Variants in SLC24A4 observed in about 807,000 individuals in gnomAD.
SLC24A4 encodes the protein solute carrier family 24 member 4, also known as sodium/potassium/calcium exchanger 4.
Under a neutral mutation model 79.0 loss-of-function variants are expected in SLC24A4, and 53 were observed. The observed-to-expected ratio is 0.67, with a 90% CI of 0.54 to 0.84. The LOEUF is 0.84. Ranked by LOEUF, SLC24A4 falls within the 40% of genes least tolerant of loss-of-function variation. The pLI, the probability that SLC24A4 is intolerant of heterozygous loss-of-function variation, is 0.00. For missense variants in SLC24A4, 731 were observed against 822.0 expected, an observed-to-expected ratio of 0.89 and a Z score of 1.35; for synonymous variants, 323 against 323.8, an observed-to-expected ratio of 1.00 and a Z score of 0.03.
chr14:92,386,983 T>G (rs1474366621), intron 2 of SLC24A4, among the ~76,000 whole-genome samples: 2 of 151,968 alleles, frequency 1.3e-5, no homozygotes, highest in Non-Finnish European at 2.9e-5. Context: ...CCCAGCAGGG[T>G]GCCCTGCTCT....
intron 2 of SLC24A4, among the ~76,000 whole-genome samples, chr14:92,409,634 A>G (rs186105145): frequency 1.3e-5 from 2 of 152,034 alleles, no homozygotes; most frequent in Non-Finnish European, 2.9e-5. Flanking sequence ...CTTCCCTAAC[A>G]TGCTCCCCAG....
intron 4 of SLC24A4, among the ~76,000 whole-genome samples, chr14:92,440,194 G>A (rs12435239): frequency 0.015 from 2,280 of 152,288 alleles, 61 homozygotes; most frequent in African/African-American, 0.052. Flanking sequence ...GGGACTGGCT[G>A]CTTTGGACCT....
intron 12 of SLC24A4, among the ~76,000 whole-genome samples, chr14:92,472,101 C>T (rs148493714): frequency 1.6e-3 from 241 of 152,304 alleles, no homozygotes; most frequent in Middle Eastern, 6.8e-3. Flanking sequence ...GCAAAGCAAT[C>T]AATCCAAAGC....
At chr14:92,465,070 A>G (rs1157944722) in intron 12 of SLC24A4, among the ~76,000 whole-genome samples, 4 of 152,244 alleles carry the variant, frequency 2.6e-5, no homozygotes, top group Non-Finnish European at 5.9e-5. Context: ...CATTTCCCAG[A>G]TGAGAACAAC....
At chr14:92,344,042 C>T (rs1886385565) in intron 2 of SLC24A4, among the ~76,000 whole-genome samples, 1 of 152,148 alleles carries the variant, frequency 6.6e-6, no homozygotes, top group Admixed American at 6.5e-5. Context: ...TTATTGTTTG[C>T]ATTTACTTAC....
chr14:92,442,927 C>CTG, intron 6 of SLC24A4, 111 bp downstream of exon 6: 1 of 839,060 alleles, frequency 1.2e-6, no homozygotes, highest in Non-Finnish European at 1.9e-6. Context: ...GACAGCTGAG[C>CTG]TGGATTCTGG....
chr14:92,328,748 C>T (rs1402391851), intron 2 of SLC24A4, among the ~76,000 whole-genome samples: 5 of 152,234 alleles, frequency 3.3e-5, no homozygotes, highest in South Asian at 4.1e-4. Context: ...TGGCTTGGGC[C>T]GCATGACCAC....
intron 2 of SLC24A4, among the ~76,000 whole-genome samples, chr14:92,333,034 G>A (rs1425795368): frequency 2.0e-5 from 3 of 152,178 alleles, no homozygotes; most frequent in African/African-American, 4.8e-5. Flanking sequence ...ACGTTTGCCT[G>A]CATAACTGGG....
chr14:92,457,781 A>G (rs1893568782), intron 12 of SLC24A4, among the ~76,000 whole-genome samples: 1 of 152,224 alleles, frequency 6.6e-6, no homozygotes, highest in South Asian at 2.1e-4. Context: ...AAGATTCCAG[A>G]ACTTTCAAGT....
At chr14:92,325,281 C>T (rs541979565) in intron 1 of SLC24A4, among the ~76,000 whole-genome samples, 3 of 152,208 alleles carry the variant, frequency 2.0e-5, no homozygotes, top group Non-Finnish European at 2.9e-5. Context: ...TGCTTGGTTG[C>T]GGGCCTCCGC....
chr14:92,437,826 G>A (rs1414533170), intron 3 of SLC24A4, among the ~76,000 whole-genome samples: 2 of 152,202 alleles, frequency 1.3e-5, no homozygotes, highest in African/African-American at 4.8e-5. Flanking sequence ...GGTTCTGAGT[G>A]CTTTCCTTCT....
intron 2 of SLC24A4, among the ~76,000 whole-genome samples, chr14:92,420,503 A>C (rs1452999255): frequency 5.9e-5 from 9 of 152,158 alleles, no homozygotes; most frequent in Admixed American, 6.5e-5. Context: ...TGTTGTTTTA[A>C]GTATATACTA....
chr14:92,353,566 T>TCAGAC lies in SLC24A4; in HGVS notation c.241+27590_241+27594dup, dbSNP rs1660726106. Among the ~76,000 whole-genome samples, 1 of 152,226 alleles carries TCAGAC rather than the reference T, an allele frequency of 6.6e-6. No homozygotes were observed. Among genetic ancestry groups the TCAGAC allele is most frequent in the Non-Finnish European group, 1.5e-5 (1 of 68,032 alleles). On this transcript the variant is annotated intron_variant, in intron 2 of 16. Transcript: ENST00000532405. The surrounding 1 kb of genome is among the most constrained non-coding windows in gnomAD (Gnocchi z 4.1). Reference sequence around the variant, plus strand: ...CGGTTCTCCCCACCCCATGGTGTTATCAGACCTGTTGAGTTTGCCAATCTG... The same window carrying TCAGAC: ...CGGTTCTCCCCACCCCATGGTGTTATCAGACCAGACCTGTTGAGTTTGCCAATCTG...
chr14:92,450,418 G>A (rs1343227930), intron 10 of SLC24A4: 1 of 152,442 alleles, frequency 6.6e-6, no homozygotes, highest in Non-Finnish European at 1.5e-5. Flanking sequence ...ACCTGCCAGG[G>A]TGGCGGGGTG....
At chr14:92,458,480 T>C (rs1893614915) in intron 12 of SLC24A4, among the ~76,000 whole-genome samples, 2 of 152,242 alleles carry the variant, frequency 1.3e-5, no homozygotes, top group African/African-American at 2.4e-5. Context: ...GGTCACGCCA[T>C]GCTTGGGTCA....
At chr14:92,480,582 C>T (rs1040932031) in intron 12 of SLC24A4, among the ~76,000 whole-genome samples, 39 of 151,920 alleles carry the variant, frequency 2.6e-4, no homozygotes, top group African/African-American at 5.3e-4. Context: ...CGTGAGCCAC[C>T]ACGCCCGGCC....
At chr14:92,486,802 T>G in intron 14 of SLC24A4, 22 bp downstream of exon 14, 1 of 1,575,412 alleles carries the variant, frequency 6.3e-7, no homozygotes, top group Non-Finnish European at 8.7e-7. Context: ...GCCCCAGCCC[T>G]CATAGTCATG....
In SLC24A4 at chr14:92,349,507, G is replaced by T. The variant is rs190942951; in HGVS notation, c.241+23529G>T. On this transcript the variant is annotated intron_variant, in intron 2 of 16. Transcript: ENST00000532405. Reference sequence around the variant, plus strand: ...AGGACATTTCCGTTTTTAGACTACAGTTTTTGAGATGATTGTAGATTGGCA... The same window carrying T: ...AGGACATTTCCGTTTTTAGACTACATTTTTTGAGATGATTGTAGATTGGCA... 2.8e-3 allele frequency among the ~76,000 whole-genome samples: 419 copies of T among 152,320 alleles called. 1 individual carries two copies. The highest frequency in any genetic ancestry group is 9.6e-3 in the African/African-American group (398 of 41,570).
intron 2 of SLC24A4, among the ~76,000 whole-genome samples, chr14:92,385,956 A>G (rs1889133412): frequency 6.6e-6 from 1 of 152,146 alleles, no homozygotes; most frequent in Non-Finnish European, 1.5e-5. Context: ...GCAGTTATGG[A>G]GGAGGAAGAG....
Sources: gnomAD v4.1 joint callset for allele counts (sites outside exome capture counted in the v4.1 genomes callset) on GRCh38, gnomAD v4.1.1 for gene constraint, Gnocchi (gnomAD v3.1) non-coding constraint, MANE v1.5 for transcripts, NCBI Gene and HGNC (gene_info 2026-07-23, HGNC 2026-07-21) for gene names.